GPC6: variants seen among roughly 807,000 people sequenced by gnomAD.
The protein encoded by GPC6 is glypican-6.
Under a neutral mutation model 55.2 loss-of-function variants are expected in GPC6, and 14 were observed. That is an observed-to-expected ratio of 0.25 (90% CI 0.17 to 0.40). The LOEUF (loss-of-function observed/expected upper bound fraction) is 0.40, where lower values mean the gene tolerates loss of function less well. Among genes scored for constraint, GPC6 ranks in the 10% least tolerant of loss-of-function variants. GPC6 has a pLI of 1.00. For synonymous variants in GPC6, 278 were observed against 259.6 expected (o/e 1.07, Z -0.68); for missense variants, 641 against 708.5 (o/e 0.90, Z 1.08).
chr13:94,368,306 T>G (rs1879376977), intron 6 of GPC6, among the ~76,000 whole-genome samples: 1 of 152,162 alleles, frequency 6.6e-6, no homozygotes, highest in African/African-American at 2.4e-5. Flanking sequence ...TGTAAAATGC[T>G]GGGTGTAACA....
chr13:93,869,143 T>C (rs1312152100), intron 3 of GPC6, among the ~76,000 whole-genome samples: 1 of 151,854 alleles, frequency 6.6e-6, no homozygotes, highest in East Asian at 1.9e-4. Flanking sequence ...TCAAGTCCCT[T>C]TCTTTTTACA....
rs542301461 is a variant in GPC6, at chr13:93,348,558, A to G, written c.160+120942A>G. Among the ~76,000 whole-genome samples, 59 of 152,318 alleles carry G rather than the reference A, an allele frequency of 3.9e-4. No homozygotes were observed. In the South Asian group the frequency reaches 0.012, roughly 30 times the overall value. On this transcript the variant is annotated intron_variant, in intron 1 of 8. Transcript: ENST00000377047. ...TAAAGTATCAGGCACTGCAATCCAC[A>G]TTAGTGTTGTTCACATGATTTGGTC...
At chr13:93,301,391 C>T (rs546936352) in intron 1 of GPC6, among the ~76,000 whole-genome samples, 1 of 152,288 alleles carries the variant, frequency 6.6e-6, no homozygotes, top group Non-Finnish European at 1.5e-5. Context: ...ATGTGCTTGA[C>T]TAGGAGAGGT....
intron 2 of GPC6, among the ~76,000 whole-genome samples, chr13:93,614,451 ATC>A (rs1878632321): frequency 1.3e-5 from 2 of 152,158 alleles, no homozygotes; most frequent in African/African-American, 4.8e-5. Flanking sequence ...ACTTCTATGT[ATC>A]TCTGTTTTCT....
chr13:94,113,462 A>G (rs1886320364), intron 4 of GPC6, among the ~76,000 whole-genome samples: 1 of 152,060 alleles, frequency 6.6e-6, no homozygotes, highest in South Asian at 2.1e-4. Flanking sequence ...CATTCACTCT[A>G]ATGACTTTGA....
At chr13:93,262,368 C>G (rs151274062) in intron 1 of GPC6, among the ~76,000 whole-genome samples, 111 of 152,298 alleles carry the variant, frequency 7.3e-4, no homozygotes, top group African/African-American at 2.6e-3. Context: ...CGCCAAGTTA[C>G]ACTTAAGTTT....
chr13:93,522,675 A>G (rs1427262404), intron 1 of GPC6, among the ~76,000 whole-genome samples: 5 of 151,890 alleles, frequency 3.3e-5, no homozygotes, highest in African/African-American at 1.2e-4. Context: ...AAGACAAAAC[A>G]AAACAGTGGA....
intron 1 of GPC6, among the ~76,000 whole-genome samples, chr13:93,334,566 G>A (rs115610704): frequency 4.6e-5 from 7 of 152,178 alleles, no homozygotes; most frequent in South Asian, 2.1e-4. Context: ...GGGTTCAAGC[G>A]ATTCCCCTGC....
intron 4 of GPC6, among the ~76,000 whole-genome samples, chr13:94,115,182 T>C (rs917109906): frequency 2.6e-5 from 4 of 152,142 alleles, no homozygotes; most frequent in Non-Finnish European, 4.4e-5. Context: ...ATGTACTTCA[T>C]CCTCTCCAAG....
chr13:93,581,248 T>C (rs1050597769), intron 2 of GPC6, among the ~76,000 whole-genome samples: 2 of 152,072 alleles, frequency 1.3e-5, no homozygotes, highest in African/African-American at 4.8e-5. Flanking sequence ...TCATTATGTA[T>C]TGAGAATAGC....
At chr13:93,858,957 T>G (rs1348732959) in intron 3 of GPC6, among the ~76,000 whole-genome samples, 1 of 151,604 alleles carries the variant, frequency 6.6e-6, no homozygotes. Context: ...TGATTATTAT[T>G]ATGTTAAGAT....
At chr13:93,838,081 A>T (rs1230994585) in intron 3 of GPC6, among the ~76,000 whole-genome samples, 1 of 152,200 alleles carries the variant, frequency 6.6e-6, no homozygotes, top group Non-Finnish European at 1.5e-5. Flanking sequence ...GTTTCTGTGG[A>T]TAGAAGCATT....
At chr13:93,559,220 T>G (rs893142504) in intron 2 of GPC6, among the ~76,000 whole-genome samples, 11 of 152,192 alleles carry the variant, frequency 7.2e-5, no homozygotes, top group Non-Finnish European at 1.2e-4. Context: ...CATCTCAGTA[T>G]GTGAAATCAG....
At chr13:94,060,971 C>T (rs1007347004) in intron 4 of GPC6, among the ~76,000 whole-genome samples, 2 of 152,124 alleles carry the variant, frequency 1.3e-5, no homozygotes, top group Non-Finnish European at 2.9e-5. Context: ...AAAAATCAGA[C>T]ACAGAACTAG....
intron 4 of GPC6, among the ~76,000 whole-genome samples, chr13:94,276,570 A>T (rs970691512): frequency 6.6e-6 from 1 of 151,892 alleles, no homozygotes; most frequent in Non-Finnish European, 1.5e-5. Context: ...GCACCTGTTG[A>T]CCCATCCTCT....
At position 93,227,874 on chromosome 13, in the gene GPC6, C is replaced by T. The variant is rs1304884978; in HGVS notation, c.160+258C>T. On this transcript the variant is annotated intron_variant, in intron 1 of 8. Coordinates refer to ENST00000377047, the MANE Select transcript of GPC6 (RefSeq NM_005708.5). The surrounding 1 kb of genome is among the most constrained non-coding windows in gnomAD (Gnocchi z 4.3). The stretch of plus-strand genomic sequence containing the variant: ...TCCCGCCTCCCGCTGCTCTCGCGCC[C>T]TTCTACCCCTTAGTTGATGGCTCAG... Among the ~76,000 whole-genome samples, 11 of 152,172 alleles carry T rather than the reference C, an allele frequency of 7.2e-5. No individual in the cohort carries two copies. The highest frequency in any genetic ancestry group is 5.9e-5 in the Non-Finnish European group (4 of 68,022).
At chr13:94,178,308 A>G (rs1888863192) in intron 4 of GPC6, among the ~76,000 whole-genome samples, 1 of 152,064 alleles carries the variant, frequency 6.6e-6, no homozygotes, top group South Asian at 2.1e-4. Flanking sequence ...GTCTTTAAAT[A>G]TTTTATCTTG....
intron 1 of GPC6, among the ~76,000 whole-genome samples, chr13:93,288,266 C>G (rs1465847370): frequency 6.6e-6 from 1 of 152,022 alleles, no homozygotes; most frequent in Non-Finnish European, 1.5e-5. Flanking sequence ...TGTGTGTTAT[C>G]TTGTAATTTC....
chr13:93,387,226 T>C (rs761994228), intron 1 of GPC6, among the ~76,000 whole-genome samples: 1 of 152,026 alleles, frequency 6.6e-6, no homozygotes, highest in South Asian at 2.1e-4. Flanking sequence ...GTTACATAGG[T>C]ATACATGTGC....
Sources: gnomAD v4.1 joint callset for allele counts (sites outside exome capture counted in the v4.1 genomes callset) on GRCh38, gnomAD v4.1.1 for gene constraint, Gnocchi (gnomAD v3.1) non-coding constraint, MANE v1.5 for transcripts, NCBI Gene and HGNC (gene_info 2026-07-23, HGNC 2026-07-21) for gene names.